Variants in PITRM1 observed in about 807,000 individuals in gnomAD.
The protein encoded by PITRM1 is pitrilysin metallopeptidase 1.
Under a neutral mutation model 129.9 loss-of-function variants are expected in PITRM1, and 100 were observed. That is an observed-to-expected ratio of 0.77 (90% CI 0.65 to 0.91). PITRM1 has a LOEUF of 0.91. Ranked by LOEUF, PITRM1 falls within the 40% of genes least tolerant of loss-of-function variation. The probability of loss-of-function intolerance (pLI) is 0.00; values close to 1 mark genes in which losing one functional copy is unlikely to be tolerated. For synonymous variants in PITRM1, 591 were observed against 508.8 expected (o/e 1.16, Z -2.17); for missense variants, 1,471 against 1,318.3 (o/e 1.12, Z -1.79).
chr10:3,169,820 T>C (rs1367514178), intron 2 of PITRM1, among the ~76,000 whole-genome samples: 1 of 152,234 alleles, frequency 6.6e-6, no homozygotes, highest in Non-Finnish European at 1.5e-5. Context: ...CAGGTTTGGC[T>C]GCAGAAACGC....
chr10:3,151,451 C>T (rs1841510864), intron 14 of PITRM1, 88 bp from the exon 15 acceptor site: 5 of 809,382 alleles, frequency 6.2e-6, no homozygotes, highest in South Asian at 3.0e-5. Context: ...TCTTAACATC[C>T]AGAATTAGCC....
rs546978259 is a variant in PITRM1, at chr10:3,157,607, C to T, written c.1251-76G>A. 4.1e-5 allele frequency: 39 copies of T among 945,212 alleles called. No homozygotes were observed. In the African/African-American group the frequency reaches 5.4e-4, roughly 13 times the overall value. 58.6% of individuals were successfully genotyped at this position (945,212 alleles called of 1,614,324 possible). The stretch of plus-strand genomic sequence containing the variant: ...TTGTAATCCCAGCACTTTGGGAGGC[C>T]AAGGCAGGAGGACTGCTTGAGGCCA... On this transcript the variant is annotated intron_variant, in intron 11 of 26. Coordinates refer to ENST00000224949, the MANE Select transcript of PITRM1 (RefSeq NM_014889.4).
chr10:3,137,737 A>G lies in PITRM1; in HGVS notation c.*294T>C. The G allele has an allele frequency of 2.4e-6, 1 of 422,952 alleles. No individual in the cohort carries two copies. Among genetic ancestry groups the G allele is most frequent in the Non-Finnish European group, 4.5e-6 (1 of 220,228 alleles). The allele number at this position is 422,952 out of a possible 1,614,324, so 26.2% of individuals were successfully genotyped here. A position where few individuals can be genotyped will look rare whatever the true frequency, so the allele number is the denominator to read the frequency against. ...ATGACTCAAGCAGAGGTTAAGTCAG[A>G]GTTGCCCTTTATTTTTAGATTCTTA... On this transcript the variant is annotated 3_prime_UTR_variant, in exon 27 of 27. Coordinates refer to ENST00000224949, the MANE Select transcript of PITRM1 (RefSeq NM_014889.4).
At chr10:3,153,566 C>T (rs1841704974) in intron 14 of PITRM1, among the ~76,000 whole-genome samples, 1 of 151,960 alleles carries the variant, frequency 6.6e-6, no homozygotes, top group Non-Finnish European at 1.5e-5. Context: ...TTGCAGTGAG[C>T]CGAGATCGTG....
At chr10:3,148,763 A>AT (rs1340971204) in intron 16 of PITRM1, 2 of 154,776 alleles carry the variant, frequency 1.3e-5, no homozygotes, top group African/African-American at 4.8e-5. Context: ...CTCAGCACTC[A>AT]TGCTTTTGAA....
Position 3,158,890 on chromosome 10 carries a change from GATCTA to G in PITRM1, c.1136+19_1136+23del. ...CTGCCCCCAACCAATGAGAACTACT[GATCTA>G]ATCTAATCATAAACTCACCCAACAT... On this transcript the variant is annotated intron_variant, in intron 10 of 26. Transcript: ENST00000224949. 2 of 1,610,786 alleles carry G rather than the reference GATCTA, an allele frequency of 1.2e-6. No individual in the cohort carries two copies. Among genetic ancestry groups the G allele is most frequent in the South Asian group, 1.1e-5 (1 of 90,668 alleles).
chr10:3,170,558 G>T (rs1408864769), intron 1 of PITRM1, among the ~76,000 whole-genome samples: 1 of 152,094 alleles, frequency 6.6e-6, no homozygotes, highest in Non-Finnish European at 1.5e-5. Context: ...AGTATACCAA[G>T]AAATTCACAC....
chr10:3,152,910 T>C (rs994578113), intron 14 of PITRM1, among the ~76,000 whole-genome samples: 3 of 152,252 alleles, frequency 2.0e-5, no homozygotes, highest in African/African-American at 7.2e-5. Flanking sequence ...CTGTTTTCTT[T>C]CAGCACATCA....
At chr10:3,162,111 T>A (rs1842490235) in intron 7 of PITRM1, among the ~76,000 whole-genome samples, 1 of 144,616 alleles carries the variant, frequency 6.9e-6, no homozygotes. Flanking sequence ...TAAGACAAGA[T>A]CATGCCACTG....
chr10:3,169,364 C>T (rs1441862570), intron 2 of PITRM1, among the ~76,000 whole-genome samples: 2 of 152,184 alleles, frequency 1.3e-5, no homozygotes, highest in Non-Finnish European at 2.9e-5. Flanking sequence ...AGGAGCTCTT[C>T]CCTCTGCCCC....
At chr10:3,150,599 A>T (rs777868297) in intron 15 of PITRM1, among the ~76,000 whole-genome samples, 41 of 152,300 alleles carry the variant, frequency 2.7e-4, no homozygotes, top group Non-Finnish European at 2.4e-4. Flanking sequence ...TAAGCTCAGC[A>T]TCAACACTGT....
In PITRM1 at chr10:3,164,590, A is replaced by G. The variant is rs140139757; in HGVS notation, c.630+648T>C. On this transcript the variant is annotated intron_variant, in intron 6 of 26. Transcript: ENST00000224949. ...GCCAATAATGGAACACTAGGCATAA[A>G]TGCGTTTTAATGAGGACCCAAACAG... Among the ~76,000 whole-genome samples, 693 of 152,300 alleles carry G rather than the reference A, an allele frequency of 4.6e-3. 4 individuals carry two copies. The highest frequency in any genetic ancestry group is 0.016 in the African/African-American group (647 of 41,558).
rs1351080718 is a variant in PITRM1 at position 3,145,656 on chromosome 10, G to T, written c.2397C>A (p.Phe799Leu). Reference protein sequence around the residue: ...MPQTEKAVEDFLRSIGRSKKE... With the variant: ...MPQTEKAVEDLLRSIGRSKKE... ...TTTTACTCCGACCGATGCTTCTAAG[G>T]AAGTCTTCGACCGCTTTTTCTGTCT... The change falls in exon 21 of 27, where the codon TTC becomes TTA. Residue 799 changes from phenylalanine (F) to leucine (L), a missense_variant. Phe to Leu is a conservative substitution (Grantham distance 22). Transcript: ENST00000224949. 1 of 1,550,602 alleles carries T rather than the reference G, an allele frequency of 6.4e-7. No individual in the cohort carries two copies. Among genetic ancestry groups the T allele is most frequent in the Non-Finnish European group, 8.7e-7 (1 of 1,147,026 alleles).
At chr10:3,163,914 G>C (rs1263468134) in intron 6 of PITRM1, 29 bp from the exon 7 acceptor site, 2 of 1,500,516 alleles carry the variant, frequency 1.3e-6, no homozygotes, top group Admixed American at 1.9e-5. Flanking sequence ...TAAATCATAA[G>C]TATACATGTA....
At chr10:3,144,027 C>T in intron 22 of PITRM1, 1 of 569,024 alleles carries the variant, frequency 1.8e-6, no homozygotes, top group South Asian at 2.0e-5. Flanking sequence ...CAGTAGCCCT[C>T]TTCCTGGGCA....
chr10:3,138,776 T>C (rs1564378787), intron 25 of PITRM1, 128 bp downstream of exon 25: 2 of 886,230 alleles, frequency 2.3e-6, no homozygotes, highest in Non-Finnish European at 3.9e-6. Context: ...GACGTGGAAA[T>C]CGTATCACAA....
chr10:3,163,685 T>C (rs1243427582), intron 7 of PITRM1, 40 bp downstream of exon 7: 2 of 1,551,144 alleles, frequency 1.3e-6, no homozygotes, highest in Non-Finnish European at 1.8e-6. Flanking sequence ...CAAGTCAACT[T>C]TTCACAATCC....
Position 3,155,697 on chromosome 10 carries a change from C to A in PITRM1, c.1515G>T (p.Arg505Ser). The A allele has an allele frequency of 1.2e-6, 2 of 1,613,934 alleles. No individual in the cohort carries two copies. Among genetic ancestry groups the A allele is most frequent in the Non-Finnish European group, 1.7e-6 (2 of 1,179,898 alleles). ...GCTTCTCGTGATACTTGTCATCTGG[C>A]CTCATCGATAAAGTCAGCTTATGCT... Reference protein sequence around the residue: ...NNQHKLTLSMRPDDKYHEKQA... With the variant: ...NNQHKLTLSMSPDDKYHEKQA... Residue 505 changes from arginine (R) to serine (S), a missense_variant, in exon 14 of 27, where the codon AGG (arginine) becomes AGT (serine). Physicochemically the swap from Arg to Ser is moderately radical, Grantham distance 110. Coordinates refer to ENST00000224949, the MANE Select transcript of PITRM1 (RefSeq NM_014889.4).
At chr10:3,140,263 G>C (rs922920383) in intron 24 of PITRM1, among the ~76,000 whole-genome samples, 3 of 152,196 alleles carry the variant, frequency 2.0e-5, no homozygotes, top group Non-Finnish European at 2.9e-5. Flanking sequence ...TGACCAACAG[G>C]CAGGTACCGT....
Sources: allele counts gnomAD v4.1 joint callset (sites outside exome capture counted in the v4.1 genomes callset), GRCh38; gene constraint gnomAD v4.1.1; transcripts MANE v1.5; gene names NCBI Gene and HGNC (gene_info 2026-07-23, HGNC 2026-07-21).